Variants in HDAC7 observed in about 807,000 individuals in gnomAD.
HDAC7 encodes the protein histone deacetylase 7A.
HDAC7 carries 26 observed loss-of-function variants against 115.5 expected under a neutral mutation model. The ratio of observed to expected loss-of-function variants is 0.23; its 90% CI spans 0.16 to 0.31. The LOEUF (loss-of-function observed/expected upper bound fraction) is 0.31. Among genes scored for constraint, HDAC7 ranks in the 10% least tolerant of loss-of-function variants. HDAC7 has a pLI of 1.00. For missense variants in HDAC7, 1,068 were observed against 1,329.0 expected (o/e 0.80, Z 3.05); for synonymous variants, 564 against 550.9 (o/e 1.02, Z -0.33).
In HDAC7 at chr12:47,795,958, G is replaced by A. The variant is rs986985628; in HGVS notation, c.854C>T (p.Pro285Leu). 31 of 1,550,482 alleles carry A rather than the reference G, an allele frequency of 2.0e-5. No individual in the cohort carries two copies. The highest frequency in any genetic ancestry group is 4.8e-5 in the South Asian group (4 of 84,120). Residue 285 changes from proline (P) to leucine (L), a missense_variant, in exon 9 of 26, where the codon CCG becomes CTG. Around this residue, in one of 6 missense-constraint regions of HDAC7, gnomAD observed 618 missense variants for 701.5 expected, o/e 0.88. Transcript: ENST00000080059. The surrounding 1 kb of genome is among the most constrained non-coding windows in gnomAD (Gnocchi z 4.3). ...GATTGCGGGCAGCAAGGACACTGTC[G>A]GCAAGGCGAACGGGGCCACAGAAGT... Reference protein sequence around the residue: ...QETSVAPFALPTVSLLPAITL... With the variant: ...QETSVAPFALLTVSLLPAITL...
rs1037756177 is a variant in HDAC7 at position 47,795,880 on chromosome 12, T to A, written c.906+26A>T. On this transcript the variant is annotated intron_variant, in intron 9 of 25. Transcript: ENST00000080059. The surrounding 1 kb of genome is among the most constrained non-coding windows in gnomAD (Gnocchi z 4.3). ...TGAAAGAAGCTGGGGGGGCTTGGAGTGGGGGTGGGCACCCCAGCCACTCAC... is the reference window on the plus strand; with the variant it reads ...TGAAAGAAGCTGGGGGGGCTTGGAGAGGGGGTGGGCACCCCAGCCACTCAC... 2 of 1,010,956 alleles carry A rather than the reference T, an allele frequency of 2.0e-6. No individual in the cohort carries two copies. Among genetic ancestry groups the A allele is most frequent in the African/African-American group, 4.1e-5 (2 of 49,350 alleles). The allele number at this position is 1,010,956 out of a possible 1,614,324, so 62.6% of individuals were successfully genotyped here.
At chr12:47,787,310 G>T (rs1356427894) in intron 21 of HDAC7, among the ~76,000 whole-genome samples, 1 of 152,120 alleles carries the variant, frequency 6.6e-6, no homozygotes, top group Non-Finnish European at 1.5e-5. Context: ...TCATAGCCCT[G>T]GGCTCTGAGA....
rs1307211264 is a variant in HDAC7, at chr12:47,793,503, C to T, written c.1544G>A (p.Gly515Asp). Reference protein sequence around the residue: ...GDTVLLPLAQGGHRPLSRAQS... With the variant: ...GDTVLLPLAQDGHRPLSRAQS... The stretch of plus-strand genomic sequence containing the variant: ...AGCCCGGGACAGAGGCCGGTGCCCA[C>T]CCTGGGCCAGAGGAAGCAGCACAGT... The change falls in exon 13 of 26, where the codon GGT (glycine) becomes GAT (aspartate). Residue 515 changes from glycine (G) to aspartate (D), a missense_variant. Around this residue, in one of 6 missense-constraint regions of HDAC7, gnomAD observed 618 missense variants for 701.5 expected, o/e 0.88. Transcript: ENST00000080059. This position sits in a 1 kb window ranked among gnomAD's most constrained non-coding sequence, Gnocchi z 4.5. The T allele has an allele frequency of 1.3e-6, 2 of 1,549,162 alleles. No homozygotes were observed. The highest frequency in any genetic ancestry group is 2.7e-5 in the African/African-American group (2 of 73,174).
At position 47,787,814 on chromosome 12, in the gene HDAC7, A is replaced by G; in HGVS notation, c.2356-5T>C. ...CTCACCGCTGCCAGCCCCTACCTGG[A>G]AAACAGGAGGCAAGAGAGACATGAG... On this transcript the variant is annotated splice_polypyrimidine_tract_variant and splice_region_variant and intron_variant, in intron 20 of 25. Transcript: ENST00000080059. 1 of 1,610,560 alleles carries G rather than the reference A, an allele frequency of 6.2e-7. No individual in the cohort carries two copies. The highest frequency in any genetic ancestry group is 8.5e-7 in the Non-Finnish European group (1 of 1,178,350).
chr12:47,784,987 G>T (rs1943086896), intron 24 of HDAC7: 2 of 594,956 alleles, frequency 3.4e-6, no homozygotes, highest in Admixed American at 3.0e-5. Context: ...AAATGTGGGG[G>T]TTATCCCAAG....
At position 47,783,890 on chromosome 12, in the gene HDAC7, T is replaced by C. The variant is rs370490371; in HGVS notation, c.2931-4A>G. 6.2e-7 allele frequency: 1 copy of C among 1,612,616 alleles called. No homozygotes were observed. The highest frequency in any genetic ancestry group is 8.5e-7 in the Non-Finnish European group (1 of 1,179,662). ...CTCCACCAGCTGCTCCGAGGGCCTG[T>C]GGGGAGGGACAAGGGTGGGATGCTG... On this transcript the variant is annotated splice_region_variant and splice_polypyrimidine_tract_variant and intron_variant, in intron 25 of 25. Coordinates refer to ENST00000080059, the MANE Select transcript of HDAC7 (RefSeq NM_015401.5).
chr12:47,802,736 C>T (rs1196469226), intron 1 of HDAC7, among the ~76,000 whole-genome samples: 1 of 151,962 alleles, frequency 6.6e-6, no homozygotes, highest in Non-Finnish European at 1.5e-5. Flanking sequence ...GAGGAGCAGG[C>T]CTGGAGAGAG....
chr12:47,799,256 A>C, intron 2 of HDAC7: 35 of 356,990 alleles, frequency 9.8e-5, no homozygotes, highest in East Asian at 1.9e-4. Flanking sequence ...TCCACTAAAC[A>C]TGCTCCTCCC....
chr12:47,808,264 G>A (rs739841), intron 1 of HDAC7, among the ~76,000 whole-genome samples: 17,757 of 152,168 alleles, frequency 0.12, 1,166 homozygotes, highest in Middle Eastern at 0.16. Context: ...AATCCCACAT[G>A]CGGCTGTTGT....
intron 22 of HDAC7, among the ~76,000 whole-genome samples, chr12:47,786,354 C>G (rs1009690384): frequency 6.6e-6 from 1 of 152,232 alleles, no homozygotes; most frequent in Non-Finnish European, 1.5e-5. Flanking sequence ...ATGGGTATGA[C>G]CTGGTCAAGC....
At chr12:47,817,160 T>TG (rs1361584771) in intron 1 of HDAC7, among the ~76,000 whole-genome samples, 1 of 152,248 alleles carries the variant, frequency 6.6e-6, no homozygotes, top group Non-Finnish European at 1.5e-5. Flanking sequence ...CCGGGCTTCC[T>TG]GCTGTGTTGC....
At chr12:47,802,113 G>A in intron 2 of HDAC7, 111 bp downstream of exon 2, 1 of 1,195,358 alleles carries the variant, frequency 8.4e-7, no homozygotes, top group South Asian at 1.4e-5. Context: ...CTCTCTGGCA[G>A]ATCAGCCAGC....
In HDAC7 at chr12:47,800,118, C is replaced by G. The variant is rs190292266; in HGVS notation, c.71-1146G>C. ...CAAGCTGGCCACTCCTAACCACAATCTTTACATCTACAGCACTTGTGCATG... is the reference window on the plus strand; with the variant it reads ...CAAGCTGGCCACTCCTAACCACAATGTTTACATCTACAGCACTTGTGCATG... On this transcript the variant is annotated intron_variant, in intron 2 of 25. Transcript: ENST00000080059. Among the ~76,000 whole-genome samples the G allele has an allele frequency of 6.4e-4, 97 of 152,340 alleles. 1 individual carries two copies. The highest frequency in any genetic ancestry group is 2.3e-3 in the African/African-American group (94 of 41,580).
chr12:47,814,849 C>A (rs1944807189), intron 1 of HDAC7, among the ~76,000 whole-genome samples: 2 of 152,224 alleles, frequency 1.3e-5, no homozygotes, highest in African/African-American at 2.4e-5. Context: ...CCTCCCCTGG[C>A]CACCCTATCA....
intron 18 of HDAC7, 44 bp from the exon 19 acceptor site, chr12:47,789,392 C>G: frequency 6.3e-7 from 1 of 1,578,252 alleles, no homozygotes; most frequent in Non-Finnish European, 8.7e-7. Context: ...TCTCCACATG[C>G]CCTCACCTCC....
Position 47,798,191 on chromosome 12 carries a change from C to A in HDAC7, c.378G>T (p.Gln126His), listed in dbSNP as rs1943969761. Residue 126 changes from glutamine to histidine, a missense_variant, in exon 5 of 26, where the codon CAG becomes CAT. Gln to His is a conservative substitution (Grantham distance 24). This residue lies in a region of HDAC7 where 7 missense variants were observed against 23.0 expected (regional missense o/e 0.30). Transcript: ENST00000080059. This position sits in a 1 kb window ranked among gnomAD's most constrained non-coding sequence, Gnocchi z 4.3. ...TTTTCAGAATCACCTCCGCTAGCTT[C>A]TGCTTGACCACGCTGCTGGCTACAG... ...RSAVASSVVK[Q>H]KLAEVILKKQ... 1 of 1,613,724 alleles carries A rather than the reference C, an allele frequency of 6.2e-7. No homozygotes were observed. Among genetic ancestry groups the A allele is most frequent in the Non-Finnish European group, 8.5e-7 (1 of 1,179,926 alleles).
rs560767952 is a variant in HDAC7, at chr12:47,784,417, T to C, written c.2792-200A>G. 6.7e-4 allele frequency: 418 copies of C among 625,588 alleles called. 4 individuals carry two copies. The highest frequency in any genetic ancestry group is 9.7e-4 in the Middle Eastern group (3 of 3,092). 38.8% of individuals were successfully genotyped at this position (625,588 alleles called of 1,614,324 possible). A position where few individuals can be genotyped will look rare whatever the true frequency, so the allele number is the denominator to read the frequency against. Reference sequence around the variant, plus strand: ...GCACAGCCTGACAGGGTACACAGAGTGGGTTCAACATGGCTGTGAGGGAGT... The same window carrying C: ...GCACAGCCTGACAGGGTACACAGAGCGGGTTCAACATGGCTGTGAGGGAGT... On this transcript the variant is annotated intron_variant, in intron 24 of 25. Coordinates refer to ENST00000080059, the MANE Select transcript of HDAC7 (RefSeq NM_015401.5).
At chr12:47,799,034 C>A in intron 2 of HDAC7, 62 bp from the exon 3 acceptor site, 12 of 1,169,902 alleles carry the variant, frequency 1.0e-5, no homozygotes, top group Non-Finnish European at 1.4e-5. Context: ...CATGATACAG[C>A]CTGATCCCCC....
chr12:47,810,804 GTCTCTCTCTCTCTCTCTC>G (rs60132211), intron 1 of HDAC7, among the ~76,000 whole-genome samples: 32 of 131,686 alleles, frequency 2.4e-4, no homozygotes, highest in African/African-American at 4.1e-4. Context: ...GGAGGAAAAG[GTCTCTCTCTCTCTCTCTC>G]TCTCTCTCTC....
Sources: allele counts gnomAD v4.1 joint callset (sites outside exome capture counted in the v4.1 genomes callset), GRCh38; gene constraint gnomAD v4.1.1; regional missense constraint gnomAD v4.1.1; non-coding constraint Gnocchi (gnomAD v3.1); transcripts MANE v1.5; gene names NCBI Gene and HGNC (gene_info 2026-07-23, HGNC 2026-07-21).